Variants in CDKN2C observed in about 807,000 individuals in gnomAD.
The protein encoded by CDKN2C is cyclin dependent kinase inhibitor 2C, also known as cyclin-dependent kinase 4 inhibitor C.
Under a neutral mutation model 11.0 loss-of-function variants are expected in CDKN2C, and 5 were observed. The ratio of observed to expected loss-of-function variants is 0.45; its 90% CI spans 0.24 to 0.95. The LOEUF (loss-of-function observed/expected upper bound fraction) is 0.95, where lower values mean the gene tolerates loss of function less well. Ranked by LOEUF, CDKN2C falls within the 40% of genes least tolerant of loss-of-function variation. The pLI, the probability that CDKN2C is intolerant of heterozygous loss-of-function variation, is 0.21. For missense variants in CDKN2C, 161 were observed against 211.9 expected, an observed-to-expected ratio of 0.76 and a Z score of 1.49; for synonymous variants, 79 against 88.3, an observed-to-expected ratio of 0.89 and a Z score of 0.59.
At chr1:50,973,558 C>T (rs1321538681) in intron 1 of CDKN2C, among the ~76,000 whole-genome samples, 1 of 152,154 alleles carries the variant, frequency 6.6e-6, no homozygotes, top group Non-Finnish European at 1.5e-5. Context: ...TTAATAAATT[C>T]GTGAAATTAC....
At chr1:50,969,265 A>C (rs939004708), upstream of CDKN2C, 4 of 153,818 alleles carry the variant, frequency 2.6e-5, no homozygotes, top group African/African-American at 9.6e-5. This position sits in a 1 kb window ranked among gnomAD's most constrained non-coding sequence, Gnocchi z 6.6. Context: ...AAAGGAAGGA[A>C]AGGACAGCGG....
In CDKN2C at chr1:50,973,917, A is replaced by G; in HGVS notation, c.154A>G (p.Ile52Val). 1 of 1,614,232 alleles carries G rather than the reference A, an allele frequency of 6.2e-7. No individual in the cohort carries two copies. Among genetic ancestry groups the G allele is most frequent in the East Asian group, 2.2e-5 (1 of 44,888 alleles). Residue 52 changes from isoleucine to valine, a missense_variant, in exon 2 of 2, where the codon ATT becomes GTT. Coordinates refer to ENST00000371761, the MANE Select transcript of CDKN2C (RefSeq NM_078626.3). ...GGTTATGAAACTTGGAAATCCCGAG[A>G]TTGCCAGGAGACTGCTACTTAGAGG... ...LQVMKLGNPE[I>V]ARRLLLRGAN...
chr1:50,961,206 T>C (rs1472235066), intron 1 of CDKN2C, among the ~76,000 whole-genome samples: 1 of 152,074 alleles, frequency 6.6e-6, no homozygotes, highest in African/African-American at 2.4e-5. Context: ...CGGCTAAGTT[T>C]TTTTTGTATT....
chr1:50,966,534 A>C (rs553441093), upstream of CDKN2C, among the ~76,000 whole-genome samples: 1 of 152,202 alleles, frequency 6.6e-6, no homozygotes, highest in East Asian at 1.9e-4. Context: ...GCCATGTTAG[A>C]ATATAAGCTT....
At chr1:50,970,578 C>A in intron 1 of CDKN2C, 81 bp downstream of exon 1, 1 of 1,496,790 alleles carries the variant, frequency 6.7e-7, no homozygotes, top group Non-Finnish European at 9.3e-7. Context: ...AGCTTTTAAG[C>A]TTTCAGGGAC....
At chr1:50,971,335 A>G (rs1020569241) in intron 1 of CDKN2C, among the ~76,000 whole-genome samples, 6 of 152,222 alleles carry the variant, frequency 3.9e-5, no homozygotes, top group African/African-American at 1.4e-4. Flanking sequence ...CTTATGAGCT[A>G]TTCTTATTTG....
At position 50,970,441 on chromosome 1, in the gene CDKN2C, T is replaced by C. The variant is rs1557608866; in HGVS notation, c.73T>C (p.Leu25=). 6.2e-7 allele frequency: 1 copy of C among 1,614,066 alleles called. No homozygotes were observed. Among genetic ancestry groups the C allele is most frequent in the Non-Finnish European group, 8.5e-7 (1 of 1,180,048 alleles). Residue 25 remains leucine (L), a synonymous_variant, in exon 1 of 2, where the codon TTG becomes CTG. Transcript: ENST00000371761. ...GGACCTAGAGCAACTTACTAGTTTG[T>C]TGCAAAATAATGTAAACGTCAATGC... ...RGDLEQLTSL[L]QNNVNVNAQN...
intron 1 of CDKN2C, among the ~76,000 whole-genome samples, chr1:50,971,362 A>G (rs1645379546): frequency 1.3e-5 from 2 of 152,222 alleles, no homozygotes; most frequent in South Asian, 4.1e-4. Flanking sequence ...CAACACTTGA[A>G]GCTGTTTTTG....
At chr1:50,973,014 A>T (rs1645388654) in intron 1 of CDKN2C, among the ~76,000 whole-genome samples, 1 of 152,210 alleles carries the variant, frequency 6.6e-6, no homozygotes, top group Non-Finnish European at 1.5e-5. Context: ...GAGAAACAGT[A>T]TATAATGTAA....
At chr1:50,966,689 A>G (rs957989370), upstream of CDKN2C, among the ~76,000 whole-genome samples, 1 of 151,944 alleles carries the variant, frequency 6.6e-6, no homozygotes, top group African/African-American at 2.4e-5. Flanking sequence ...TGGTTTACCC[A>G]ACAGGCAGAT....
Position 50,970,374 on chromosome 1 carries a change from C to T in CDKN2C, c.6C>T (p.Ala2=). The T allele has an allele frequency of 6.2e-7, 1 of 1,614,046 alleles. No individual in the cohort carries two copies. Among genetic ancestry groups the T allele is most frequent in the Non-Finnish European group, 8.5e-7 (1 of 1,180,014 alleles). M[A]EPWGNELASA... is the part of the protein sequence containing the mutation. ...GATCGTCAGGACCCTAAAGAATGGC[C>T]GAGCCTTGGGGGAACGAGTTGGCGT... The change falls in exon 1 of 2, where the codon GCC becomes GCT. Residue 2 remains alanine (A), a synonymous_variant. Coordinates refer to ENST00000371761, the MANE Select transcript of CDKN2C (RefSeq NM_078626.3).
Position 50,974,237 on chromosome 1 carries a change from A to G in CDKN2C, c.474A>G (p.Ala158=), listed in dbSNP as rs1358462529. ...ATGAGGTTGTTAGCCTGATGCAGGC[A>G]AACGGGGCTGGGGGAGCCACAAATC... ...GRNEVVSLMQ[A]NGAGGATNLQ The change falls in exon 2 of 2, where the codon GCA becomes GCG. Residue 158 remains alanine (A), a synonymous_variant. Transcript: ENST00000371761. 6.3e-7 allele frequency: 1 copy of G among 1,584,188 alleles called. No homozygotes were observed. The highest frequency in any genetic ancestry group is 8.6e-7 in the Non-Finnish European group (1 of 1,162,366).
At chr1:50,971,280 C>A (rs3176458) in intron 1 of CDKN2C, among the ~76,000 whole-genome samples, 62 of 152,244 alleles carry the variant, frequency 4.1e-4, no homozygotes, top group South Asian at 6.2e-4. Flanking sequence ...AGAAAAATGA[C>A]AAAATAGTTT....
At chr1:50,964,940 G>C (rs1484209116) in intron 1 of CDKN2C, among the ~76,000 whole-genome samples, 1 of 152,080 alleles carries the variant, frequency 6.6e-6, no homozygotes, top group Non-Finnish European at 1.5e-5. Context: ...TGTAATCCCA[G>C]GTACTCGGGG....
In CDKN2C at chr1:50,974,355, A is replaced by T; in HGVS notation, c.*85A>T. On this transcript the variant is annotated 3_prime_UTR_variant, in exon 2 of 2. Transcript: ENST00000371761. ...GACTTTTAATGTCATTTGTTAAAAT[A>T]CAGTTCTGTCATATGTTAAGCAGCT... 7.2e-7 allele frequency: 1 copy of T among 1,379,538 alleles called. No individual in the cohort carries two copies. Among genetic ancestry groups the T allele is most frequent in the Non-Finnish European group, 9.8e-7 (1 of 1,025,340 alleles). The allele number at this position is 1,379,538 out of a possible 1,614,324, so 85.5% of individuals were successfully genotyped here.
chr1:50,963,677 T>A (rs1645335336), intron 1 of CDKN2C, among the ~76,000 whole-genome samples: 1 of 152,198 alleles, frequency 6.6e-6, no homozygotes, highest in South Asian at 2.1e-4. Context: ...CCAGAGTGGT[T>A]ATCTACTACA....
intron 1 of CDKN2C, among the ~76,000 whole-genome samples, chr1:50,963,462 A>G (rs188726362): frequency 1.5e-4 from 23 of 152,344 alleles, no homozygotes; most frequent in Non-Finnish European, 3.1e-4. Context: ...ACAGAATATA[A>G]AGCTGCTCTG....
intron 1 of CDKN2C, among the ~76,000 whole-genome samples, chr1:50,970,958 C>T (rs1438507192): frequency 6.6e-6 from 1 of 152,154 alleles, no homozygotes; most frequent in East Asian, 1.9e-4. Context: ...CCTTCAAATG[C>T]TTCAAGTTTT....
At position 50,974,153 on chromosome 1, in the gene CDKN2C, G is replaced by C; in HGVS notation, c.390G>C (p.Val130=). 6.2e-7 allele frequency: 1 copy of C among 1,614,170 alleles called. No individual in the cohort carries two copies. The highest frequency in any genetic ancestry group is 8.5e-7 in the Non-Finnish European group (1 of 1,180,024). ...TGGTGAAGCACACGGCCAGCAATGT[G>C]GGGCATCGGAACCATAAGGGGGACA... is the stretch of plus-strand genomic sequence containing the variant. The part of the protein sequence containing the change: ...EFLVKHTASN[V]GHRNHKGDTA... The change falls in exon 2 of 2, where the codon GTG becomes GTC. Residue 130 remains valine (V), a synonymous_variant. Coordinates refer to ENST00000371761, the MANE Select transcript of CDKN2C (RefSeq NM_078626.3).
Sources: gnomAD v4.1 joint callset for allele counts (sites outside exome capture counted in the v4.1 genomes callset) on GRCh38, gnomAD v4.1.1 for gene constraint, Gnocchi (gnomAD v3.1) non-coding constraint, MANE v1.5 for transcripts, NCBI Gene and HGNC (gene_info 2026-07-23, HGNC 2026-07-21) for gene names.